The following TRDN variants were observed in gnomAD, a reference collection of about 807,000 sequenced individuals.
TRDN encodes triadin.
TRDN carries 161 observed loss-of-function variants against 149.7 expected under a neutral mutation model. That is an observed-to-expected ratio of 1.08 (90% CI 0.95 to 1.23). The LOEUF (loss-of-function observed/expected upper bound fraction) is 1.23. Ranked by LOEUF, TRDN falls within the 50% of genes most tolerant of loss-of-function variation. TRDN has a pLI of 0.00. For missense variants in TRDN, 896 were observed against 823.5 expected (o/e 1.09, Z -1.08); for synonymous variants, 294 against 250.5 (o/e 1.17, Z -1.64).
At position 123,482,724 on chromosome 6, in the gene TRDN, A is replaced by G. The variant is rs182218655; in HGVS notation, c.853+14469T>C. Among the ~76,000 whole-genome samples, 346 of 152,246 alleles carry G rather than the reference A, an allele frequency of 2.3e-3. 2 individuals are homozygous for G. Among genetic ancestry groups the G allele is most frequent in the African/African-American group, 8.2e-3 (339 of 41,548 alleles). The stretch of plus-strand genomic sequence containing the variant: ...ACAATATTGTACTTTTTTCATATCT[A>G]TTTGCACTCACTTCCTATAAGAAAT... On this transcript the variant is annotated intron_variant, in intron 9 of 40. Coordinates refer to ENST00000334268, the MANE Select transcript of TRDN (RefSeq NM_006073.4).
chr6:123,627,789 G>A (rs1429639132), intron 1 of TRDN, among the ~76,000 whole-genome samples: 1 of 152,148 alleles, frequency 6.6e-6, no homozygotes, highest in East Asian at 1.9e-4. Context: ...TGGATAACTT[G>A]CTGCAGCTTC....
At chr6:123,265,729 T>G (rs542461074) in intron 32 of TRDN, among the ~76,000 whole-genome samples, 3 of 147,120 alleles carry the variant, frequency 2.0e-5, no homozygotes, top group Non-Finnish European at 4.5e-5. Context: ...ATATTAATTA[T>G]TAATATTAAT....
intron 1 of TRDN, among the ~76,000 whole-genome samples, chr6:123,614,300 CAAA>C (rs1199509406): frequency 3.0e-5 from 3 of 99,856 alleles, no homozygotes; most frequent in South Asian, 3.2e-4. Context: ...AAAAAAAAAA[CAAA>C]AAAAAAAAAA....
intron 14 of TRDN, among the ~76,000 whole-genome samples, chr6:123,383,595 T>C (rs183116140): frequency 4.3e-4 from 65 of 152,184 alleles, no homozygotes; most frequent in African/African-American, 1.4e-3. Flanking sequence ...AAATACACAA[T>C]TATTCAAATG....
intron 37 of TRDN, among the ~76,000 whole-genome samples, chr6:123,254,284 A>G (rs1776475520): frequency 6.6e-6 from 1 of 152,068 alleles, no homozygotes; most frequent in Non-Finnish European, 1.5e-5. Flanking sequence ...AATATTAGTG[A>G]TAATTATGAA....
intron 2 of TRDN, among the ~76,000 whole-genome samples, chr6:123,554,773 G>T (rs987267642): frequency 1.3e-5 from 2 of 152,160 alleles, no homozygotes; most frequent in African/African-American, 2.4e-5. Context: ...AAAATCTGAA[G>T]TGGTGGGTCA....
chr6:123,527,481 A>G (rs1283887508), intron 5 of TRDN, among the ~76,000 whole-genome samples: 1 of 151,954 alleles, frequency 6.6e-6, no homozygotes, highest in Non-Finnish European at 1.5e-5. Flanking sequence ...ATATTCCGCA[A>G]GATCATTTTG....
At chr6:123,457,414 G>C (rs1583064656) in intron 10 of TRDN, 1 of 336,778 alleles carries the variant, frequency 3.0e-6, no homozygotes, top group Non-Finnish European at 5.7e-6. Context: ...TTCACAAAAG[G>C]TCTTTTTAAT....
rs527653047 is a variant in TRDN at position 123,318,528 on chromosome 6, C to T, written c.1472-2033G>A. ...AAGGTCTGGATAGAATGATCTTGGT[C>T]TCCTTCTTAGTTCTGTTTCCGAAGT... On this transcript the variant is annotated intron_variant, in intron 23 of 40. Transcript: ENST00000334268. 5.9e-5 allele frequency among the ~76,000 whole-genome samples: 9 copies of T among 152,142 alleles called. No homozygotes were observed. In the Middle Eastern group the frequency reaches 0.01, roughly 172 times the overall value.
chr6:123,444,458 G>T lies in TRDN; in HGVS notation c.932-5455C>A, dbSNP rs551483205. On this transcript the variant is annotated intron_variant, in intron 10 of 40. Coordinates refer to ENST00000334268, the MANE Select transcript of TRDN (RefSeq NM_006073.4). ...GGTTTTCTAGATATACAATCATGTC[G>T]TCTGCAAAGAGGGACAATTTGACTT... is the stretch of plus-strand genomic sequence containing the variant. 2.0e-5 allele frequency among the ~76,000 whole-genome samples: 3 copies of T among 149,912 alleles called. No individual in the cohort carries two copies. In the East Asian group the frequency reaches 5.9e-4, roughly 29 times the overall value.
intron 24 of TRDN, among the ~76,000 whole-genome samples, chr6:123,290,351 T>C (rs578123348): frequency 6.6e-6 from 1 of 152,198 alleles, no homozygotes; most frequent in Non-Finnish European, 1.5e-5. Context: ...GTGATATGTG[T>C]TGTGTCTAGC....
intron 12 of TRDN, among the ~76,000 whole-genome samples, chr6:123,420,956 T>C (rs11154157): frequency 0.29 from 43,402 of 152,166 alleles, 6,529 homozygotes; most frequent in Middle Eastern, 0.37. Flanking sequence ...ATGAAAACAG[T>C]ATGTTTTTAA....
At chr6:123,567,549 G>T (rs981930018) in intron 2 of TRDN, among the ~76,000 whole-genome samples, 1 of 151,872 alleles carries the variant, frequency 6.6e-6, no homozygotes, top group Admixed American at 6.6e-5. Context: ...GCTTCAGGGT[G>T]TTTACAATCA....
At position 123,331,866 on chromosome 6, in the gene TRDN, T is replaced by A; in HGVS notation, c.1471+13A>T. On this transcript the variant is annotated intron_variant, in intron 23 of 40. Transcript: ENST00000334268. ...AGATCAATGTGGCTTCACATTTCATTGTATAATATTACCTTTTTCCTTTAG... is the reference window on the plus strand; with the variant it reads ...AGATCAATGTGGCTTCACATTTCATAGTATAATATTACCTTTTTCCTTTAG... 1 of 1,510,096 alleles carries A rather than the reference T, an allele frequency of 6.6e-7. No homozygotes were observed. Among genetic ancestry groups the A allele is most frequent in the Non-Finnish European group, 8.9e-7 (1 of 1,123,146 alleles). The allele number at this position is 1,510,096 out of a possible 1,614,324, so 93.5% of individuals were successfully genotyped here. A position where few individuals can be genotyped will look rare whatever the true frequency, so the allele number is the denominator to read the frequency against.
At chr6:123,301,379 G>A (rs1479787384) in intron 24 of TRDN, among the ~76,000 whole-genome samples, 2 of 151,892 alleles carry the variant, frequency 1.3e-5, no homozygotes, top group Non-Finnish European at 2.9e-5. Flanking sequence ...GGCCATGTGA[G>A]TAAGGTCATT....
intron 24 of TRDN, among the ~76,000 whole-genome samples, chr6:123,299,226 A>C (rs1778315336): frequency 6.6e-6 from 1 of 152,074 alleles, no homozygotes; most frequent in Non-Finnish European, 1.5e-5. Flanking sequence ...TTGGAATGTC[A>C]GGATATTGGT....
chr6:123,375,898 G>A (rs989063300), intron 18 of TRDN, among the ~76,000 whole-genome samples: 7 of 151,696 alleles, frequency 4.6e-5, no homozygotes, highest in African/African-American at 1.7e-4. Context: ...CAATCATCTT[G>A]CTCTCCATTT....
At chr6:123,531,526 C>T (rs1780254105) in intron 4 of TRDN, among the ~76,000 whole-genome samples, 1 of 152,070 alleles carries the variant, frequency 6.6e-6, no homozygotes, top group South Asian at 2.1e-4. Context: ...AGCTTTCATT[C>T]ACCTGTTAAG....
chr6:123,535,478 T>G (rs767831252), intron 4 of TRDN, among the ~76,000 whole-genome samples: 49 of 152,284 alleles, frequency 3.2e-4, no homozygotes, highest in Non-Finnish European at 6.5e-4. Context: ...TCTTAGATCC[T>G]TATCGCTATT....
Sources: allele counts gnomAD v4.1 joint callset (sites outside exome capture counted in the v4.1 genomes callset), GRCh38; gene constraint gnomAD v4.1.1; transcripts MANE v1.5; gene names NCBI Gene and HGNC (gene_info 2026-07-23, HGNC 2026-07-21).